The following PPP4R4 variants were observed in gnomAD, a reference collection of about 807,000 sequenced individuals.
PPP4R4 encodes serine/threonine-protein phosphatase 4 regulatory subunit 4.
Under a neutral mutation model 121.8 loss-of-function variants are expected in PPP4R4, and 70 were observed. The observed-to-expected ratio is 0.57, with a 90% CI of 0.47 to 0.70. The LOEUF (loss-of-function observed/expected upper bound fraction) is 0.70, where lower values mean the gene tolerates loss of function less well. PPP4R4 is among the 30% of genes least tolerant of loss of function. PPP4R4 has a pLI of 0.00. For synonymous variants in PPP4R4, 348 were observed against 355.7 expected, an observed-to-expected ratio of 0.98 and a Z score of 0.24; for missense variants, 875 against 1,033.6, an observed-to-expected ratio of 0.85 and a Z score of 2.10.
chr14:94,215,337 G>C (rs1171180238), intron 3 of PPP4R4, among the ~76,000 whole-genome samples: 1 of 152,118 alleles, frequency 6.6e-6, no homozygotes, highest in Non-Finnish European at 1.5e-5. Flanking sequence ...AAATAGTTTT[G>C]ACTAAAGGAA....
chr14:94,184,486 T>C (rs904913816), intron 2 of PPP4R4, among the ~76,000 whole-genome samples: 8 of 152,158 alleles, frequency 5.3e-5, no homozygotes, highest in Non-Finnish European at 8.8e-5. Context: ...CTTGAACTCC[T>C]GGCCTCAAGT....
intron 2 of PPP4R4, among the ~76,000 whole-genome samples, chr14:94,188,520 G>C (rs545671207): frequency 6.6e-6 from 1 of 152,000 alleles, no homozygotes; most frequent in African/African-American, 2.4e-5. Flanking sequence ...CCTAGTCTTT[G>C]GACAACATAT....
intron 14 of PPP4R4, among the ~76,000 whole-genome samples, chr14:94,248,559 T>A (rs2139591751): frequency 6.6e-6 from 1 of 152,224 alleles, no homozygotes; most frequent in East Asian, 1.9e-4. Flanking sequence ...AAAATTATTT[T>A]AAAATTACTC....
chr14:94,228,467 C>G (rs1486963180), intron 3 of PPP4R4, among the ~76,000 whole-genome samples: 2 of 152,250 alleles, frequency 1.3e-5, no homozygotes, highest in East Asian at 3.9e-4. Flanking sequence ...TGTGCTGAAT[C>G]AAGAAGACTG....
intron 2 of PPP4R4, among the ~76,000 whole-genome samples, chr14:94,190,889 CTATGA>C (rs1889561169): frequency 1.0e-5 from 1 of 96,118 alleles, no homozygotes; most frequent in Non-Finnish European, 2.6e-5. Flanking sequence ...TTTTTTTTTA[CTATGA>C]CCTTATCATG....
At chr14:94,243,575 A>C (rs993121091) in intron 11 of PPP4R4, among the ~76,000 whole-genome samples, 1 of 152,162 alleles carries the variant, frequency 6.6e-6, no homozygotes, top group Non-Finnish European at 1.5e-5. Context: ...TATGTTTTAT[A>C]GTAGACATAA....
chr14:94,195,673 A>AT (rs941009741), intron 2 of PPP4R4, among the ~76,000 whole-genome samples: 1 of 152,018 alleles, frequency 6.6e-6, no homozygotes, highest in Non-Finnish European at 1.5e-5. Context: ...CTAAATGATG[A>AT]TTAAAAAAAA....
intron 16 of PPP4R4, among the ~76,000 whole-genome samples, chr14:94,255,942 T>G (rs1424817837): frequency 6.6e-6 from 1 of 152,216 alleles, no homozygotes; most frequent in Non-Finnish European, 1.5e-5. Flanking sequence ...TGTTTAGGCA[T>G]AGTGGCCAAT....
At chr14:94,278,347 A>G (rs1430492439) in intron 24 of PPP4R4, among the ~76,000 whole-genome samples, 1 of 152,188 alleles carries the variant, frequency 6.6e-6, no homozygotes, top group Non-Finnish European at 1.5e-5. Flanking sequence ...ATGTAGGAAA[A>G]ATATGAATTA....
intron 7 of PPP4R4, among the ~76,000 whole-genome samples, 169 bp downstream of exon 7, chr14:94,234,838 C>CT (rs1360075509): frequency 1.3e-5 from 2 of 152,276 alleles, no homozygotes; most frequent in East Asian, 3.9e-4. Flanking sequence ...ATGTTAATTT[C>CT]TTTTTTTCTC....
intron 2 of PPP4R4, among the ~76,000 whole-genome samples, chr14:94,207,311 T>G (rs923473366): frequency 2.0e-5 from 3 of 151,958 alleles, no homozygotes; most frequent in African/African-American, 7.2e-5. Flanking sequence ...CTTCTGAATT[T>G]TGTCTATTAA....
chr14:94,229,293 G>A (rs1891881661), intron 3 of PPP4R4, among the ~76,000 whole-genome samples: 1 of 152,098 alleles, frequency 6.6e-6, no homozygotes, highest in East Asian at 1.9e-4. Context: ...TTCTGGATTT[G>A]TTTTGAAGGT....
At chr14:94,238,646 A>G (rs550218716) in intron 8 of PPP4R4, among the ~76,000 whole-genome samples, 3 of 152,348 alleles carry the variant, frequency 2.0e-5, no homozygotes, top group East Asian at 3.9e-4. Context: ...AATGCTGGAT[A>G]TTAGTTATCA....
rs148890862 is a variant in PPP4R4, at chr14:94,174,597, G to A, written c.117+15G>A. ...GGAGCCTCAAGGTGCGCCCCGGGGA[G>A]AGGACCTGCCCTCACGGCGTCCGGC... On this transcript the variant is annotated intron_variant, in intron 1 of 24. Transcript: ENST00000304338. The A allele has an allele frequency of 1.5e-3, 2,447 of 1,609,760 alleles. 30 individuals are homozygous for A. The African/African-American group carries it at 0.028, about 18-fold the overall frequency.
chr14:94,265,251 C>A, intron 20 of PPP4R4, 136 bp from the exon 21 acceptor site: 1 of 653,888 alleles, frequency 1.5e-6, no homozygotes. Flanking sequence ...GTAAATATTA[C>A]CAAGTAAGAA....
At chr14:94,262,459 G>C (rs1893835989) in intron 19 of PPP4R4, among the ~76,000 whole-genome samples, 2 of 151,344 alleles carry the variant, frequency 1.3e-5, no homozygotes, top group South Asian at 4.2e-4. Context: ...GTTTCTCTAG[G>C]GATTTTAATA....
chr14:94,247,824 T>C (rs1471753012), intron 14 of PPP4R4, among the ~76,000 whole-genome samples: 1 of 152,212 alleles, frequency 6.6e-6, no homozygotes, highest in African/African-American at 2.4e-5. Context: ...CATGATCATC[T>C]CAATGGATGC....
intron 2 of PPP4R4, among the ~76,000 whole-genome samples, chr14:94,184,992 C>T (rs968833073): frequency 6.6e-6 from 1 of 152,116 alleles, no homozygotes; most frequent in Non-Finnish European, 1.5e-5. Flanking sequence ...TACTTGTATT[C>T]AAGGAGATAG....
At chr14:94,222,026 G>A (rs185851142) in intron 3 of PPP4R4, among the ~76,000 whole-genome samples, 113 of 152,084 alleles carry the variant, frequency 7.4e-4, no homozygotes, top group African/African-American at 2.7e-3. Flanking sequence ...TTCTGGTTAT[G>A]TGTTGAAATT....
Sources: gnomAD v4.1 joint callset for allele counts (sites outside exome capture counted in the v4.1 genomes callset) on GRCh38, gnomAD v4.1.1 for gene constraint, MANE v1.5 for transcripts, NCBI Gene and HGNC (gene_info 2026-07-23, HGNC 2026-07-21) for gene names.